SLC24A4: variants seen among roughly 807,000 people sequenced by gnomAD.
SLC24A4 encodes the protein sodium/potassium/calcium exchanger 4.
SLC24A4 carries 53 observed loss-of-function variants against 79.0 expected under a neutral mutation model. The observed-to-expected ratio is 0.67, with a 90% CI of 0.54 to 0.84. The LOEUF (loss-of-function observed/expected upper bound fraction) is 0.84. SLC24A4 is among the 40% of genes least tolerant of loss of function. The pLI, the probability that SLC24A4 is intolerant of heterozygous loss-of-function variation, is 0.00. For missense variants in SLC24A4, 731 were observed against 822.0 expected (o/e 0.89, Z 1.35); for synonymous variants, 323 against 323.8 (o/e 1.00, Z 0.03).
At chr14:92,472,585 C>CT (rs1241452863) in intron 12 of SLC24A4, among the ~76,000 whole-genome samples, 1 of 152,128 alleles carries the variant, frequency 6.6e-6, no homozygotes. Context: ...TAATTCATTC[C>CT]TTTTTATAGC....
intron 3 of SLC24A4, among the ~76,000 whole-genome samples, chr14:92,437,791 T>C (rs1422103944): frequency 1.3e-5 from 2 of 152,212 alleles, no homozygotes; most frequent in African/African-American, 2.4e-5. Flanking sequence ...GGATTGTTAT[T>C]ATTATTTTAA....
At chr14:92,484,518 AAAG>A in intron 13 of SLC24A4, 2 of 985,384 alleles carry the variant, frequency 2.0e-6, no homozygotes, top group South Asian at 9.4e-5. Context: ...TGTATCCCAA[AAAG>A]AAGCTCAGGA....
intron 2 of SLC24A4, among the ~76,000 whole-genome samples, chr14:92,362,259 T>G (rs1887576202): frequency 6.6e-6 from 1 of 152,022 alleles, no homozygotes; most frequent in Non-Finnish European, 1.5e-5. Flanking sequence ...CTCTTTGGGG[T>G]CTCTGGAGAG....
intron 2 of SLC24A4, among the ~76,000 whole-genome samples, chr14:92,420,230 C>T (rs1463587631): frequency 6.6e-6 from 1 of 152,148 alleles, no homozygotes; most frequent in Non-Finnish European, 1.5e-5. Context: ...ACCTGTAATC[C>T]TAGCGCTTTG....
At chr14:92,484,403 C>T in intron 13 of SLC24A4, 2 of 985,366 alleles carry the variant, frequency 2.0e-6, no homozygotes, top group Non-Finnish European at 2.4e-6. Flanking sequence ...GTGCTGCCCC[C>T]AGCCTGTTCC....
chr14:92,342,367 T>TTAATTA (rs879362080), intron 2 of SLC24A4, among the ~76,000 whole-genome samples: 10,184 of 135,278 alleles, frequency 0.075, 418 homozygotes, highest in Non-Finnish European at 0.099. Context: ...TTTCCCCATT[T>TTAATTA]ATTTATTTAT....
intron 2 of SLC24A4, among the ~76,000 whole-genome samples, chr14:92,369,889 A>G (rs1407122765): frequency 6.6e-6 from 1 of 152,204 alleles, no homozygotes; most frequent in African/African-American, 2.4e-5. Context: ...TCCTTGGTTG[A>G]CTCATTGGTA....
chr14:92,372,867 C>CCCCTCCTT (rs1279675384), intron 2 of SLC24A4, among the ~76,000 whole-genome samples: 2 of 109,814 alleles, frequency 1.8e-5, no homozygotes, highest in African/African-American at 7.2e-5. Context: ...GGGTCACTGT[C>CCCCTCCTT]CCTTCCTTCC....
chr14:92,461,126 T>A (rs1223209992), intron 12 of SLC24A4, among the ~76,000 whole-genome samples: 1 of 152,212 alleles, frequency 6.6e-6, no homozygotes, highest in African/African-American at 2.4e-5. Context: ...GCAGCTTGTT[T>A]GCTTGTTGTG....
chr14:92,421,889 T>G (rs1891302178), intron 2 of SLC24A4, among the ~76,000 whole-genome samples: 1 of 152,142 alleles, frequency 6.6e-6, no homozygotes, highest in Non-Finnish European at 1.5e-5. Context: ...GATAAAGCAT[T>G]TGGAAAGGGG....
intron 2 of SLC24A4, among the ~76,000 whole-genome samples, chr14:92,341,154 G>T (rs1211304814): frequency 6.6e-6 from 1 of 152,188 alleles, no homozygotes; most frequent in Admixed American, 6.5e-5. Context: ...TGGCCTGGTG[G>T]CCTTTGTGTC....
At chr14:92,378,289 T>G (rs1888634705) in intron 2 of SLC24A4, among the ~76,000 whole-genome samples, 1 of 152,214 alleles carries the variant, frequency 6.6e-6, no homozygotes, top group Non-Finnish European at 1.5e-5. Flanking sequence ...GCATTATTTT[T>G]GTTGGGTTCA....
chr14:92,489,561 C>T (rs1047575953), intron 14 of SLC24A4, among the ~76,000 whole-genome samples: 4 of 152,160 alleles, frequency 2.6e-5, no homozygotes, highest in Admixed American at 6.5e-5. Context: ...CCTCCAGGCC[C>T]GCAGCACATA....
At chr14:92,462,719 A>C (rs1893885710) in intron 12 of SLC24A4, 1 of 152,180 alleles carries the variant, frequency 6.6e-6, no homozygotes, top group Non-Finnish European at 1.5e-5. Flanking sequence ...CTTTATACAC[A>C]TTAAGTCATT....
chr14:92,473,121 C>T (rs939988914), intron 12 of SLC24A4, among the ~76,000 whole-genome samples: 1 of 152,180 alleles, frequency 6.6e-6, no homozygotes, highest in Non-Finnish European at 1.5e-5. Flanking sequence ...ATTTCTATAC[C>T]TCTGTGTCTT....
At chr14:92,480,927 C>A (rs1012246570) in intron 12 of SLC24A4, among the ~76,000 whole-genome samples, 1 of 152,018 alleles carries the variant, frequency 6.6e-6, no homozygotes, top group Admixed American at 6.6e-5. Flanking sequence ...CTGTAAAATT[C>A]ATATTCTTTG....
chr14:92,444,443 T>A (rs1417711853), intron 7 of SLC24A4, among the ~76,000 whole-genome samples: 1 of 152,170 alleles, frequency 6.6e-6, no homozygotes, highest in Non-Finnish European at 1.5e-5. Context: ...CAATAATGAA[T>A]GACTGCTGAT....
At position 92,443,422 on chromosome 14, in the gene SLC24A4, C is replaced by A. The variant is rs1892615840; in HGVS notation, c.605C>A (p.Ala202Asp). The A allele has an allele frequency of 6.2e-7, 1 of 1,614,006 alleles. No homozygotes were observed. The highest frequency in any genetic ancestry group is 8.5e-7 in the Non-Finnish European group (1 of 1,180,016). ...AGQVVRLTWW[A>D]VCRDSVYYTI... Reference sequence around the variant, plus strand: ...CAGGTGGTCCGTCTGACGTGGTGGGCCGTGTGCCGAGACTCCGTGTACTAC... The same window carrying A: ...CAGGTGGTCCGTCTGACGTGGTGGGACGTGTGCCGAGACTCCGTGTACTAC... The change falls in exon 7 of 17, where the codon GCC becomes GAC. Residue 202 changes from alanine (A) to aspartate (D), a missense_variant. Transcript: ENST00000532405.
chr14:92,463,319 C>T (rs559259326), intron 12 of SLC24A4, among the ~76,000 whole-genome samples: 7 of 152,256 alleles, frequency 4.6e-5, no homozygotes, highest in South Asian at 2.1e-4. Context: ...CTTAACACTC[C>T]GCCTTCCTGT....
Sources: allele counts gnomAD v4.1 joint callset (sites outside exome capture counted in the v4.1 genomes callset), GRCh38; gene constraint gnomAD v4.1.1; transcripts MANE v1.5; gene names NCBI Gene and HGNC (gene_info 2026-07-23, HGNC 2026-07-21).